Variants in DNAH8 observed in about 807,000 individuals in gnomAD.
The protein encoded by DNAH8 is dynein axonemal heavy chain 8, also known as axonemal beta dynein heavy chain 8.
A neutral mutation model predicts 562.1 loss-of-function variants in DNAH8; 382 were observed. The observed-to-expected ratio is 0.68, with a 90% CI of 0.63 to 0.74. DNAH8 has a LOEUF of 0.74. Ranked by LOEUF, DNAH8 falls within the 30% of genes least tolerant of loss-of-function variation. The pLI, the probability that DNAH8 is intolerant of heterozygous loss-of-function variation, is 0.00. For synonymous variants in DNAH8, 1,881 were observed against 1,919.4 expected (o/e 0.98, Z 0.52); for missense variants, 5,203 against 5,620.4 (o/e 0.93, Z 2.37).
chr6:38,876,632 G>A lies in DNAH8; in HGVS notation c.7858+804G>A, dbSNP rs538263314. Reference sequence around the variant, plus strand: ...GCGCACGTCACAGGACATTCAAAGGGCTCAGGAAGTGGAAACTGGGGCAAA... The same window carrying A: ...GCGCACGTCACAGGACATTCAAAGGACTCAGGAAGTGGAAACTGGGGCAAA... On this transcript the variant is annotated intron_variant, in intron 53 of 92. Transcript: ENST00000327475. Among the ~76,000 whole-genome samples the A allele has an allele frequency of 5.9e-5, 9 of 152,226 alleles. No individual in the cohort carries two copies. The South Asian group carries it at 1.0e-3, about 18-fold the overall frequency.
At chr6:38,789,481 A>G (rs1221554485) in intron 18 of DNAH8, among the ~76,000 whole-genome samples, 4 of 152,242 alleles carry the variant, frequency 2.6e-5, no homozygotes, top group African/African-American at 9.6e-5. Context: ...GTCAGAAGAT[A>G]AGGAACAAAA....
chr6:38,920,672 G>A (rs1188054394), intron 70 of DNAH8, among the ~76,000 whole-genome samples: 1 of 151,982 alleles, frequency 6.6e-6, no homozygotes, highest in Admixed American at 6.6e-5. Flanking sequence ...GGTTAATTAT[G>A]ATACATCCAA....
intron 29 of DNAH8, among the ~76,000 whole-genome samples, chr6:38,827,659 C>A (rs942250530): frequency 2.2e-4 from 33 of 148,362 alleles, no homozygotes; most frequent in Admixed American, 1.9e-3. Flanking sequence ...GGATGCTGAC[C>A]AGCCAGACTT....
In DNAH8 at chr6:38,853,280, C is replaced by T. The variant is rs781342164; in HGVS notation, c.5666C>T (p.Ser1889Phe). The T allele has an allele frequency of 3.8e-5, 61 of 1,612,966 alleles. No homozygotes were observed. In the Admixed American group the frequency reaches 1.0e-3, roughly 27 times the overall value. The part of the protein sequence containing the change: ...QMSSLHNIIR[S>F]AFYQISDSGF... Reference sequence around the variant, plus strand: ...TCATCATTACATAATATAATTAGATCCGCTTTCTATCAAATCAGTGATTCA... The same window carrying T: ...TCATCATTACATAATATAATTAGATTCGCTTTCTATCAAATCAGTGATTCA... Residue 1889 changes from serine to phenylalanine, a missense_variant, in exon 41 of 93, where the codon TCC (serine) becomes TTC (phenylalanine). By Grantham distance (155) the Ser-to-Phe change is radical. Coordinates refer to ENST00000327475, the MANE Select transcript of DNAH8 (RefSeq NM_001206927.2).
intron 3 of DNAH8, among the ~76,000 whole-genome samples, chr6:38,726,997 A>T (rs1763278654): frequency 6.6e-6 from 1 of 151,106 alleles, no homozygotes; most frequent in Non-Finnish European, 1.5e-5. Flanking sequence ...TGCTGGGACT[A>T]CGGGTGCGTG....
Position 38,923,133 on chromosome 6 carries a change from G to GA in DNAH8, c.10744dup (p.Ile3582AsnfsTer8), listed in dbSNP as rs760459837. 2 of 1,613,768 alleles carry GA rather than the reference G, an allele frequency of 1.2e-6. No individual in the cohort carries two copies. The highest frequency in any genetic ancestry group is 2.2e-5 in the South Asian group (2 of 91,056). On this transcript the variant is annotated frameshift_variant, in exon 72 of 93. Transcript: ENST00000327475. LOFTEE classifies it high-confidence loss of function. Reference sequence around the variant, plus strand: ...CACTCTCATCGATGGGCTGAGTGGAGAAAAAATCCGGTGGACCCAGCAAAG... The same window carrying GA: ...CACTCTCATCGATGGGCTGAGTGGAGAAAAAAATCCGGTGGACCCAGCAAAG...
At chr6:38,803,901 A>C (rs1771017911) in intron 22 of DNAH8, among the ~76,000 whole-genome samples, 1 of 152,126 alleles carries the variant, frequency 6.6e-6, no homozygotes, top group Non-Finnish European at 1.5e-5. Flanking sequence ...ATGATATGGA[A>C]GCATGTATTC....
intron 78 of DNAH8, among the ~76,000 whole-genome samples, 185 bp downstream of exon 78, chr6:38,938,411 T>C (rs1313568734): frequency 1.3e-5 from 2 of 152,098 alleles, no homozygotes; most frequent in East Asian, 1.9e-4. Context: ...TATGCAGCCA[T>C]AAAAAAGAAT....
At chr6:39,014,505 A>C (rs893638695) in intron 91 of DNAH8, among the ~76,000 whole-genome samples, 1 of 152,168 alleles carries the variant, frequency 6.6e-6, no homozygotes, top group African/African-American at 2.4e-5. Context: ...TCCTGCCCTA[A>C]AGGAGCCTAT....
chr6:38,855,888 C>T (rs1212722023), intron 41 of DNAH8, among the ~76,000 whole-genome samples: 4 of 152,076 alleles, frequency 2.6e-5, no homozygotes, highest in African/African-American at 7.2e-5. Context: ...CAGAGGAGGG[C>T]GAACCCTATT....
intron 82 of DNAH8, among the ~76,000 whole-genome samples, chr6:38,962,567 G>A (rs1340286966): frequency 6.6e-6 from 1 of 152,106 alleles, no homozygotes; most frequent in Non-Finnish European, 1.5e-5. Flanking sequence ...TGTTGAGATA[G>A]CAGGTTAACT....
At chr6:38,793,687 A>G (rs925850695) in intron 21 of DNAH8, among the ~76,000 whole-genome samples, 7 of 152,204 alleles carry the variant, frequency 4.6e-5, no homozygotes, top group Admixed American at 4.6e-4. Context: ...CCCTCTTTTT[A>G]AAATTTATTA....
At chr6:38,940,224 T>C (rs1783326584) in intron 79 of DNAH8, among the ~76,000 whole-genome samples, 1 of 152,114 alleles carries the variant, frequency 6.6e-6, no homozygotes, top group African/African-American at 2.4e-5. Flanking sequence ...TAACCTAGCG[T>C]AAAGGCAATG....
At chr6:38,939,048 G>A in intron 79 of DNAH8, 60 bp downstream of exon 79, 1 of 1,374,264 alleles carries the variant, frequency 7.3e-7, no homozygotes, top group Non-Finnish European at 1.0e-6. Flanking sequence ...TATGCTCTTT[G>A]ATATACCATA....
At chr6:38,848,146 C>G (rs998598021) in intron 36 of DNAH8, among the ~76,000 whole-genome samples, 2 of 152,106 alleles carry the variant, frequency 1.3e-5, no homozygotes, top group African/African-American at 2.4e-5. Flanking sequence ...TTGTCCTGTC[C>G]CTTTAGAGAT....
chr6:38,831,430 C>CA (rs67322321), intron 30 of DNAH8, among the ~76,000 whole-genome samples: 20,663 of 88,904 alleles, frequency 0.23, 2,410 homozygotes, highest in Non-Finnish European at 0.29. Flanking sequence ...GACACCATCT[C>CA]AAAAAAAAAA....
intron 38 of DNAH8, 45 bp from the exon 39 acceptor site, chr6:38,851,527 G>T: frequency 8.5e-7 from 1 of 1,171,364 alleles, no homozygotes; most frequent in South Asian, 1.3e-5. Context: ...AATAATTTAG[G>T]GGAAAAAAAA....
At chr6:38,857,024 C>T (rs1425849284) in intron 41 of DNAH8, among the ~76,000 whole-genome samples, 1 of 152,138 alleles carries the variant, frequency 6.6e-6, no homozygotes, top group African/African-American at 2.4e-5. Flanking sequence ...TTCTGTCTCC[C>T]TCTCTCTTCT....
chr6:39,003,907 C>A (rs561935610), intron 88 of DNAH8, among the ~76,000 whole-genome samples: 1 of 151,966 alleles, frequency 6.6e-6, no homozygotes, highest in Admixed American at 6.6e-5. Flanking sequence ...CTTTTTTACG[C>A]CACTCTTTCT....
Sources: gnomAD v4.1 joint callset for allele counts (sites outside exome capture counted in the v4.1 genomes callset) on GRCh38, gnomAD v4.1.1 for gene constraint, MANE v1.5 for transcripts, NCBI Gene and HGNC (gene_info 2026-07-23, HGNC 2026-07-21) for gene names.